The following LRRD1 variants were observed in gnomAD, a reference collection of about 807,000 sequenced individuals.
LRRD1 encodes leucine-rich repeat and death domain-containing protein 1.
Under a neutral mutation model 69.5 loss-of-function variants are expected in LRRD1, and 49 were observed. That is an observed-to-expected ratio of 0.70 (90% CI 0.56 to 0.89). The LOEUF (loss-of-function observed/expected upper bound fraction) is 0.89. LRRD1 is among the 40% of genes least tolerant of loss of function. LRRD1 has a pLI of 0.00. For missense variants in LRRD1, 853 were observed against 956.0 expected (o/e 0.89, Z 1.42); for synonymous variants, 303 against 338.9 (o/e 0.89, Z 1.16).
intron 1 of LRRD1, among the ~76,000 whole-genome samples, chr7:92,166,328 T>G (rs752553329): frequency 6.6e-6 from 1 of 152,240 alleles, no homozygotes; most frequent in Non-Finnish European, 1.5e-5. Context: ...TCTCCAGTAC[T>G]TGTCTAAGCA....
intron 1 of LRRD1, among the ~76,000 whole-genome samples, chr7:92,176,060 G>A (rs948350226): frequency 6.6e-6 from 1 of 152,108 alleles, no homozygotes; most frequent in African/African-American, 2.4e-5. Flanking sequence ...AAAAACTATG[G>A]TGGTTATTCT....
At chr7:92,157,677 C>A (rs1292085392) in intron 3 of LRRD1, among the ~76,000 whole-genome samples, 1 of 152,002 alleles carries the variant, frequency 6.6e-6, no homozygotes, top group Admixed American at 6.6e-5. Context: ...CTAAGCGATT[C>A]TCCTGCCTCA....
chr7:92,168,584 A>G (rs1788976834), intron 1 of LRRD1, among the ~76,000 whole-genome samples: 1 of 151,918 alleles, frequency 6.6e-6, no homozygotes, highest in African/African-American at 2.4e-5. Flanking sequence ...TGCGTACTTG[A>G]CTATTTACTA....
chr7:92,159,236 A>C (rs1788746326), intron 2 of LRRD1, 33 bp from the exon 3 acceptor site: 1 of 1,261,644 alleles, frequency 7.9e-7, no homozygotes, highest in Non-Finnish European at 1.1e-6. Context: ...ATACATTTAT[A>C]AATACATACA....
At position 92,173,618 on chromosome 7, in the gene LRRD1, A is replaced by AC. The variant is rs552661831; in HGVS notation, c.-75+5388dup. On this transcript the variant is annotated intron_variant, in intron 1 of 5. Transcript: ENST00000458448. ...TAATCATCTGAGAAATGCAAATCAA[A>AC]CCACAATGAGATATCATTTTATGCC... is the stretch of plus-strand genomic sequence containing the variant. Among the ~76,000 whole-genome samples the AC allele has an allele frequency of 2.0e-5, 3 of 152,210 alleles. No individual in the cohort carries two copies. In the South Asian group the frequency reaches 6.2e-4, roughly 32 times the overall value.
chr7:92,176,224 A>T (rs1343731394), intron 1 of LRRD1, among the ~76,000 whole-genome samples: 4 of 152,218 alleles, frequency 2.6e-5, no homozygotes, highest in Admixed American at 6.5e-5. Context: ...ATTTAATAAC[A>T]TGGCATATTT....
chr7:92,153,848 T>G (rs9770444), intron 3 of LRRD1, among the ~76,000 whole-genome samples: 65,843 of 151,822 alleles, frequency 0.43, 15,031 homozygotes, highest in African/African-American at 0.57. Flanking sequence ...TAAAAAAATT[T>G]TAAAAAGCCT....
chr7:92,173,961 T>G (rs140868544), intron 1 of LRRD1, among the ~76,000 whole-genome samples: 2 of 152,122 alleles, frequency 1.3e-5, no homozygotes, highest in African/African-American at 4.8e-5. Flanking sequence ...ATAAAGAAAA[T>G]ATCATATATA....
chr7:92,165,989 A>G (rs139788328), intron 1 of LRRD1, among the ~76,000 whole-genome samples: 78 of 152,338 alleles, frequency 5.1e-4, no homozygotes, highest in African/African-American at 1.8e-3. Flanking sequence ...TGCTCTAACA[A>G]ATTCAGTACA....
At chr7:92,155,293 T>C (rs1012910655) in intron 3 of LRRD1, among the ~76,000 whole-genome samples, 1 of 152,218 alleles carries the variant, frequency 6.6e-6, no homozygotes, top group Non-Finnish European at 1.5e-5. Flanking sequence ...ACTAAGTGAC[T>C]GACAGGCAGG....
intron 1 of LRRD1, among the ~76,000 whole-genome samples, chr7:92,167,316 G>A (rs902647122): frequency 3.3e-5 from 5 of 151,664 alleles, no homozygotes; most frequent in Non-Finnish European, 7.4e-5. Context: ...GGATGGTCTC[G>A]ATCTCCTGAC....
intron 1 of LRRD1, among the ~76,000 whole-genome samples, chr7:92,168,104 G>C (rs893563159): frequency 3.9e-5 from 6 of 151,998 alleles, no homozygotes; most frequent in African/African-American, 1.5e-4. Context: ...ACATGAGGAG[G>C]AAATAGTTCC....
chr7:92,153,581 G>A (rs937506364), intron 3 of LRRD1, among the ~76,000 whole-genome samples: 1 of 150,986 alleles, frequency 6.6e-6, no homozygotes, highest in African/African-American at 2.4e-5. Flanking sequence ...TATAATCTCA[G>A]CACTTTGGGA....
At chr7:92,178,213 T>G (rs1406387037) in intron 1 of LRRD1, among the ~76,000 whole-genome samples, 3 of 151,848 alleles carry the variant, frequency 2.0e-5, no homozygotes. Flanking sequence ...CTCGGGAGGC[T>G]GCGGCAGGAG....
chr7:92,159,714 C>G (rs752041367), intron 2 of LRRD1, among the ~76,000 whole-genome samples: 2 of 151,368 alleles, frequency 1.3e-5, no homozygotes, highest in African/African-American at 4.9e-5. Flanking sequence ...CTCTGCCTAC[C>G]GGGTTCAAGC....
intron 3 of LRRD1, among the ~76,000 whole-genome samples, chr7:92,150,984 GTTTA>G (rs1203726503): frequency 6.6e-6 from 1 of 152,170 alleles, no homozygotes; most frequent in Non-Finnish European, 1.5e-5. Flanking sequence ...AAACTAAACT[GTTTA>G]TTTAGCATAA....
Position 92,164,789 on chromosome 7 carries a change from G to T in LRRD1, c.414C>A (p.Gly138=). Residue 138 remains glycine, a synonymous_variant, in exon 2 of 6, where the codon GGC becomes GGA. Coordinates refer to ENST00000458448, the MANE Select transcript of LRRD1 (RefSeq NM_001161528.2). ...QVSEENQKQL[G]LGADNFTVNL... ...TAACTGTAAAGTTATCTGCCCCTAG[G>T]CCAAGTTGTTTCTGATTTTCTTCAG... 1 of 1,551,450 alleles carries T rather than the reference G, an allele frequency of 6.4e-7. No individual in the cohort carries two copies. The highest frequency in any genetic ancestry group is 8.7e-7 in the Non-Finnish European group (1 of 1,146,892).
Position 92,164,513 on chromosome 7 carries a change from T to C in LRRD1, c.690A>G (p.Ile230Met), listed in dbSNP as rs1187376141. ...GTTGTCTGATATTCCCAAGCTGAGATATTTCTTTAGGTATATGTGATATGT... is the reference window on the plus strand; with the variant it reads ...GTTGTCTGATATTCCCAAGCTGAGACATTTCTTTAGGTATATGTGATATGT... ...HNHISHIPKE[I>M]SQLGNIRQLF... Residue 230 changes from isoleucine (I) to methionine (M), a missense_variant, in exon 2 of 6, where the codon ATA becomes ATG. Physicochemically the swap from Ile to Met is conservative, Grantham distance 10 (BLOSUM62 1). Transcript: ENST00000458448. 1.3e-6 allele frequency: 2 copies of C among 1,549,852 alleles called. No individual in the cohort carries two copies. The highest frequency in any genetic ancestry group is 1.4e-5 in the African/African-American group (1 of 72,950).
rs1788748103 is a variant in LRRD1 at position 92,159,324 on chromosome 7, T to C, written c.1918-121A>G. On this transcript the variant is annotated intron_variant, in intron 2 of 5. Coordinates refer to ENST00000458448, the MANE Select transcript of LRRD1 (RefSeq NM_001161528.2). ...TTTTGTTTTTGTCTTAAAAAGGAGA[T>C]TTTTTATTATGTCACAAATTCTTTG... 21 of 672,154 alleles carry C rather than the reference T, an allele frequency of 3.1e-5. No homozygotes were observed. The South Asian group carries it at 4.6e-4, about 15-fold the overall frequency. 41.6% of individuals were successfully genotyped at this position (672,154 alleles called of 1,614,324 possible). A position where few individuals can be genotyped will look rare whatever the true frequency, so the allele number is the denominator to read the frequency against.
Sources: allele counts gnomAD v4.1 joint callset (sites outside exome capture counted in the v4.1 genomes callset), GRCh38; gene constraint gnomAD v4.1.1; transcripts MANE v1.5; gene names NCBI Gene and HGNC (gene_info 2026-07-23, HGNC 2026-07-21).